Variants in DNAH9 observed in about 807,000 individuals in gnomAD.
DNAH9 encodes dynein axonemal heavy chain 9, also known as DNAH9 variant protein.
DNAH9 carries 345 observed loss-of-function variants against 471.6 expected under a neutral mutation model. That is an observed-to-expected ratio of 0.73 (90% confidence interval 0.67 to 0.80). DNAH9 has a LOEUF of 0.80. Ranked by LOEUF, DNAH9 falls within the 30% of genes least tolerant of loss-of-function variation. The probability of loss-of-function intolerance (pLI) is 0.00; values close to 1 mark genes in which losing one functional copy is unlikely to be tolerated. For missense variants in DNAH9, 5,407 were observed against 5,609.2 expected, an observed-to-expected ratio of 0.96 and a Z score of 1.15; for synonymous variants, 2,093 against 2,123.6, an observed-to-expected ratio of 0.99 and a Z score of 0.40.
chr17:11,669,360 G>A lies in DNAH9; in HGVS notation c.2929-10G>A, dbSNP rs1007823610. ...GGTGTAACCTGCCTGCCGTTGTCTCGCTTCCCCAGGTCGACCTGGACGGTA... is the reference window on the plus strand; with the variant it reads ...GGTGTAACCTGCCTGCCGTTGTCTCACTTCCCCAGGTCGACCTGGACGGTA... On this transcript the variant is annotated splice_polypyrimidine_tract_variant and intron_variant, in intron 16 of 68. Coordinates refer to ENST00000262442, the MANE Select transcript of DNAH9 (RefSeq NM_001372.4). 1.6e-5 allele frequency: 26 copies of A among 1,605,026 alleles called. No individual in the cohort carries two copies. Among genetic ancestry groups the A allele is most frequent in the Admixed American group, 3.4e-5 (2 of 59,504 alleles).
At chr17:11,945,266 G>A (rs546514542) in intron 67 of DNAH9, among the ~76,000 whole-genome samples, 1 of 152,322 alleles carries the variant, frequency 6.6e-6, no homozygotes, top group East Asian at 1.9e-4. Context: ...GCTGGGCTCA[G>A]TGGCTCATGC....
chr17:11,945,209 G>T (rs1975067930), intron 67 of DNAH9, among the ~76,000 whole-genome samples: 3 of 152,150 alleles, frequency 2.0e-5, no homozygotes, highest in Non-Finnish European at 4.4e-5. Flanking sequence ...AGGAAATTCT[G>T]CTTGAGGTTT....
chr17:11,700,218 A>T (rs1474978284), intron 23 of DNAH9, among the ~76,000 whole-genome samples: 4 of 152,190 alleles, frequency 2.6e-5, no homozygotes, highest in Admixed American at 2.6e-4. Flanking sequence ...TCAACATGGC[A>T]ACCCCTGGAG....
chr17:11,709,736 A>G (rs2074798550), intron 26 of DNAH9, among the ~76,000 whole-genome samples: 1 of 152,162 alleles, frequency 6.6e-6, no homozygotes, highest in Non-Finnish European at 1.5e-5. Flanking sequence ...CAATTCTCAT[A>G]AGTCGTTTCT....
chr17:11,869,760 C>T (rs958528218), intron 51 of DNAH9, among the ~76,000 whole-genome samples: 6 of 152,136 alleles, frequency 3.9e-5, no homozygotes, highest in Non-Finnish European at 7.3e-5. Flanking sequence ...GTCAGGGCAG[C>T]GGTGCTTGTG....
chr17:11,758,783 T>C (rs1967517073), intron 35 of DNAH9, among the ~76,000 whole-genome samples: 1 of 152,148 alleles, frequency 6.6e-6, no homozygotes, highest in Admixed American at 6.5e-5. Flanking sequence ...TGCAGTCAAG[T>C]AGGTGACATT....
At chr17:11,697,557 G>A (rs955208637) in intron 22 of DNAH9, among the ~76,000 whole-genome samples, 2 of 152,054 alleles carry the variant, frequency 1.3e-5, no homozygotes, top group African/African-American at 4.8e-5. Context: ...ATCTGAAAAC[G>A]AGTGCTTTTA....
At chr17:11,747,029 G>GAC (rs1186707095) in intron 31 of DNAH9, among the ~76,000 whole-genome samples, 11 of 152,184 alleles carry the variant, frequency 7.2e-5, no homozygotes, top group African/African-American at 2.4e-4. Flanking sequence ...CTGGAAGTCA[G>GAC]TAGTCTCCCA....
rs1268346828 is a variant in DNAH9 at position 11,756,281 on chromosome 17, A to C, written c.6739-287A>C. Reference sequence around the variant, plus strand: ...GACAGAGCGAGACTCTGTCAAAAAAAAAAAAAAAAAAATCAGATCTTGTGA... The same window carrying C: ...GACAGAGCGAGACTCTGTCAAAAAACAAAAAAAAAAAATCAGATCTTGTGA... On this transcript the variant is annotated intron_variant, in intron 33 of 68. Transcript: ENST00000262442. Among the ~76,000 whole-genome samples the C allele has an allele frequency of 3.2e-4, 49 of 151,052 alleles. No homozygotes were observed. In the South Asian group the frequency reaches 4.2e-3, roughly 13 times the overall value.
At position 11,611,690 on chromosome 17, in the gene DNAH9, A is replaced by G. The variant is rs1309714996; in HGVS notation, c.814A>G (p.Ile272Val). 2 of 1,614,036 alleles carry G rather than the reference A, an allele frequency of 1.2e-6. No individual in the cohort carries two copies. Among genetic ancestry groups the G allele is most frequent in the East Asian group, 2.2e-5 (1 of 44,886 alleles). The change falls in exon 4 of 69, where the codon ATA becomes GTA. Residue 272 changes from isoleucine (I) to valine (V), a missense_variant. Physicochemically the swap from Ile to Val is conservative, Grantham distance 29. Transcript: ENST00000262442. ...ATACATCTATAATCAACTGAGAACA[A>G]TAACGGTGAGGGGCATGGCCAAGCT... ...LKYIYNQLRT[I>V]TVRGMAKLLD...
chr17:11,647,482 G>GTGTA (rs751414137), intron 12 of DNAH9, among the ~76,000 whole-genome samples: 8 of 152,116 alleles, frequency 5.3e-5, no homozygotes, highest in Admixed American at 4.6e-4. Context: ...GAATTCTGGG[G>GTGTA]TGTAGTGTTT....
chr17:11,781,782 A>C (rs1968674395), intron 39 of DNAH9, among the ~76,000 whole-genome samples: 1 of 149,540 alleles, frequency 6.7e-6, no homozygotes. Context: ...CAGTGAGCTG[A>C]GATCATACCA....
intron 21 of DNAH9, 50 bp downstream of exon 21, chr17:11,694,048 T>C (rs2074385757): frequency 5.6e-6 from 9 of 1,598,758 alleles, no homozygotes; most frequent in South Asian, 1.1e-5. Flanking sequence ...ATCATTTCCT[T>C]TTCCCCATCG....
At chr17:11,883,043 A>T (rs924500025) in intron 55 of DNAH9, 9 of 986,728 alleles carry the variant, frequency 9.1e-6, no homozygotes, top group Non-Finnish European at 1.1e-5. Flanking sequence ...TATGGAGCAT[A>T]AAGAGAGGAA....
chr17:11,603,410 A>C (rs918330695), intron 1 of DNAH9, among the ~76,000 whole-genome samples: 1 of 152,222 alleles, frequency 6.6e-6, no homozygotes, highest in Admixed American at 6.5e-5. Flanking sequence ...CGAGAATAAC[A>C]AGTCCACGAA....
intron 52 of DNAH9, among the ~76,000 whole-genome samples, chr17:11,874,082 TAAAAACACAAA>T (rs930749589): frequency 1.3e-5 from 2 of 151,700 alleles, no homozygotes; most frequent in African/African-American, 4.8e-5. Flanking sequence ...TCGTCTCTAC[TAAAAACACAAA>T]AATTAGCTGG....
intron 28 of DNAH9, among the ~76,000 whole-genome samples, chr17:11,731,748 C>T (rs922477344): frequency 3.9e-5 from 6 of 152,040 alleles, no homozygotes; most frequent in South Asian, 2.1e-4. Context: ...TTTATGGCTA[C>T]GTAGTATTCC....
At chr17:11,913,794 A>C (rs1307613515) in intron 61 of DNAH9, among the ~76,000 whole-genome samples, 2 of 151,354 alleles carry the variant, frequency 1.3e-5, no homozygotes, top group Non-Finnish European at 2.9e-5. Context: ...AAAAAAAAAA[A>C]GAAAAGAAAA....
intron 43 of DNAH9, among the ~76,000 whole-genome samples, chr17:11,807,033 G>C (rs1969713594): frequency 6.6e-6 from 1 of 152,152 alleles, no homozygotes; most frequent in South Asian, 2.1e-4. Flanking sequence ...TCCATTGCAA[G>C]GAAGGGGGCA....
Sources: allele counts gnomAD v4.1 joint callset (sites outside exome capture counted in the v4.1 genomes callset), GRCh38; gene constraint gnomAD v4.1.1; transcripts MANE v1.5; gene names NCBI Gene and HGNC (gene_info 2026-07-23, HGNC 2026-07-21).